Variants in AGBL4 observed in about 807,000 individuals in gnomAD.
AGBL4 encodes the protein cytosolic carboxypeptidase 6.
Under a neutral mutation model 66.4 loss-of-function variants are expected in AGBL4, and 58 were observed. That is an observed-to-expected ratio of 0.87 (90% CI 0.71 to 1.09). The LOEUF is 1.09. Among genes scored for constraint, AGBL4 ranks in the 50% least tolerant of loss-of-function variants. The pLI is 0.00. For synonymous variants in AGBL4, 234 were observed against 222.9 expected (o/e 1.05, Z -0.44); for missense variants, 579 against 631.0 (o/e 0.92, Z 0.88).
chr1:49,042,713 G>C (rs1266786043), intron 5 of AGBL4, among the ~76,000 whole-genome samples: 2 of 152,138 alleles, frequency 1.3e-5, no homozygotes, highest in African/African-American at 2.4e-5. Flanking sequence ...CATAAAATTA[G>C]TTGTGGATTG....
chr1:49,624,031 G>A (rs1462670112), intron 3 of AGBL4, among the ~76,000 whole-genome samples: 1 of 150,786 alleles, frequency 6.6e-6, no homozygotes, highest in Non-Finnish European at 1.5e-5. Context: ...GTGTGTGTGT[G>A]TACACATGTG....
At chr1:49,851,371 A>G (rs1233783773) in intron 2 of AGBL4, 25 bp downstream of exon 2, 16 of 1,524,806 alleles carry the variant, frequency 1.0e-5, no homozygotes, top group Non-Finnish European at 1.4e-5. Context: ...ACAAACTTAA[A>G]AGGAAAAGCC....
chr1:49,419,888 A>G (rs1301188109), intron 3 of AGBL4, among the ~76,000 whole-genome samples: 2 of 152,174 alleles, frequency 1.3e-5, no homozygotes, highest in African/African-American at 4.8e-5. Flanking sequence ...TGCATAGGTG[A>G]TATAAAGTCT....
intron 1 of AGBL4, chr1:49,995,142 C>T (rs1181209583): frequency 6.1e-5 from 28 of 456,042 alleles, no homozygotes; most frequent in South Asian, 7.7e-5. Flanking sequence ...TGGACAGAAT[C>T]TGGGAAAGGG....
chr1:49,162,307 CA>C (rs2148143343), intron 4 of AGBL4, among the ~76,000 whole-genome samples: 1 of 152,228 alleles, frequency 6.6e-6, no homozygotes, highest in African/African-American at 2.4e-5. Flanking sequence ...CAGAAATTGG[CA>C]TCTCATCCCC....
At chr1:49,261,096 C>G (rs925636184) in intron 3 of AGBL4, among the ~76,000 whole-genome samples, 23 of 152,142 alleles carry the variant, frequency 1.5e-4, no homozygotes, top group Admixed American at 7.2e-4. Flanking sequence ...AGTCCTTTGA[C>G]AAAATTCAAC....
chr1:49,289,558 G>T (rs1644495053), intron 3 of AGBL4, among the ~76,000 whole-genome samples: 1 of 152,168 alleles, frequency 6.6e-6, no homozygotes, highest in Admixed American at 6.5e-5. Flanking sequence ...TTACATGTCT[G>T]TGTTCACTTT....
rs562364930 is a variant in AGBL4 at position 49,137,658 on chromosome 1, T to C, written c.378-91858A>G. ...AGAGTCCTTATAGGCTACCGAGTAGTCAAATGACATAGTGAGTGAGTGGAT... is the reference window on the plus strand; with the variant it reads ...AGAGTCCTTATAGGCTACCGAGTAGCCAAATGACATAGTGAGTGAGTGGAT... On this transcript the variant is annotated intron_variant, in intron 4 of 13. Transcript: ENST00000371839. Among the ~76,000 whole-genome samples, 21 of 152,222 alleles carry C rather than the reference T, an allele frequency of 1.4e-4. No homozygotes were observed. In the South Asian group the frequency reaches 4.1e-3, roughly 30 times the overall value.
intron 9 of AGBL4, among the ~76,000 whole-genome samples, chr1:48,612,188 C>A (rs1048322412): frequency 2.0e-5 from 3 of 152,250 alleles, no homozygotes; most frequent in African/African-American, 7.2e-5. Flanking sequence ...TTTATTAATT[C>A]ATTCAACAAA....
intron 4 of AGBL4, among the ~76,000 whole-genome samples, chr1:49,101,386 C>A (rs1444367069): frequency 6.6e-6 from 1 of 152,038 alleles, no homozygotes; most frequent in African/African-American, 2.4e-5. Flanking sequence ...CAAGGTTTCG[C>A]CATGTTGGCT....
chr1:48,630,348 T>C (rs923952228), intron 9 of AGBL4, among the ~76,000 whole-genome samples: 5 of 152,136 alleles, frequency 3.3e-5, no homozygotes, highest in Admixed American at 2.0e-4. Context: ...AGCCTTCCAG[T>C]GCAGGCCAGA....
At chr1:49,905,355 T>C (rs933177190) in intron 1 of AGBL4, among the ~76,000 whole-genome samples, 3 of 152,166 alleles carry the variant, frequency 2.0e-5, no homozygotes, top group African/African-American at 7.2e-5. Flanking sequence ...TGAAAAGTCT[T>C]TTCCCTGAAA....
intron 5 of AGBL4, among the ~76,000 whole-genome samples, chr1:49,003,113 T>C (rs913376805): frequency 6.6e-6 from 1 of 152,172 alleles, no homozygotes; most frequent in African/African-American, 2.4e-5. Flanking sequence ...AAAATAAAGT[T>C]GAGGCCAGGC....
At chr1:49,530,166 T>C (rs1462618677) in intron 3 of AGBL4, among the ~76,000 whole-genome samples, 1 of 150,474 alleles carries the variant, frequency 6.6e-6, no homozygotes, top group Non-Finnish European at 1.5e-5. Context: ...GTCATGATCA[T>C]TGTTATCATC....
intron 6 of AGBL4, among the ~76,000 whole-genome samples, chr1:48,819,223 A>G (rs1646257334): frequency 1.3e-5 from 2 of 152,206 alleles, no homozygotes; most frequent in South Asian, 4.1e-4. Flanking sequence ...AAAATAAAAC[A>G]GGACAAAAAG....
the AGBL4 span, among the ~76,000 whole-genome samples, chr1:48,523,736 T>A: frequency 6.6e-6 from 1 of 152,178 alleles, no homozygotes; most frequent in Non-Finnish European, 1.5e-5. Flanking sequence ...TGTACAGTCA[T>A]GCATTGTTTA....
intron 1 of AGBL4, among the ~76,000 whole-genome samples, chr1:49,921,204 C>G (rs539522517): frequency 1.2e-4 from 18 of 151,238 alleles, no homozygotes; most frequent in Admixed American, 1.1e-3. Flanking sequence ...CAAACCTGCA[C>G]GTTGTGCACA....
intron 1 of AGBL4, among the ~76,000 whole-genome samples, chr1:49,908,980 T>C (rs1023868050): frequency 2.6e-5 from 4 of 152,166 alleles, no homozygotes; most frequent in African/African-American, 9.7e-5. Flanking sequence ...ATATGCATAC[T>C]GAACCCTATC....
At chr1:49,023,337 A>G (rs1276436273) in intron 5 of AGBL4, among the ~76,000 whole-genome samples, 1 of 152,128 alleles carries the variant, frequency 6.6e-6, no homozygotes, top group Non-Finnish European at 1.5e-5. Flanking sequence ...GGGTATCTTT[A>G]AGGTCCTAGA....
Sources: allele counts gnomAD v4.1 joint callset (sites outside exome capture counted in the v4.1 genomes callset), GRCh38; gene constraint gnomAD v4.1.1; transcripts MANE v1.5; gene names NCBI Gene and HGNC (gene_info 2026-07-23, HGNC 2026-07-21).